BORCS5: variants seen among roughly 807,000 people sequenced by gnomAD.
The protein encoded by BORCS5 is BLOC-1 related complex subunit 5, also known as BLOC-1-related complex subunit 5.
In BORCS5, 17 loss-of-function variants were observed where a neutral mutation model predicts 22.1. The observed-to-expected ratio is 0.77, with a 90% CI of 0.53 to 1.15. BORCS5 has a LOEUF of 1.15. BORCS5 is among the 50% of genes most tolerant of loss of function. The probability of loss-of-function intolerance (pLI) is 0.00; values close to 1 mark genes in which losing one functional copy is unlikely to be tolerated. For missense variants in BORCS5, 247 were observed against 253.2 expected, an observed-to-expected ratio of 0.98 and a Z score of 0.17; for synonymous variants, 117 against 99.8, an observed-to-expected ratio of 1.17 and a Z score of -1.03.
chr12:12,456,873 T>C (rs1459336976), intron 3 of BORCS5, among the ~76,000 whole-genome samples: 2 of 118,534 alleles, frequency 1.7e-5, no homozygotes, highest in African/African-American at 4.4e-5. Flanking sequence ...AAAAACACAA[T>C]GGTAAGTTGT....
At chr12:12,438,378 AAACGAAAAACAAC>A (rs1942608293) in intron 3 of BORCS5, among the ~76,000 whole-genome samples, 2 of 107,942 alleles carry the variant, frequency 1.9e-5, no homozygotes, top group African/African-American at 7.7e-5. Context: ...AAAAAAAAAA[AAACGAAAAACAAC>A]AACAAAAACC....
At chr12:12,414,264 A>T (rs1340736771) in intron 2 of BORCS5, among the ~76,000 whole-genome samples, 2 of 48,536 alleles carry the variant, frequency 4.1e-5, no homozygotes, top group Non-Finnish European at 8.0e-5. Context: ...GGGGCTCCTC[A>T]CTTCCCAGTA....
chr12:12,367,668 A>G (rs74734996), intron 2 of BORCS5, among the ~76,000 whole-genome samples: 1 of 146,582 alleles, frequency 6.8e-6, no homozygotes, highest in Admixed American at 6.9e-5. Context: ...CTTTCAACCG[A>G]TTGAGAAAGT....
At chr12:12,427,172 C>CTTTTTTTTTTTTTTTTTTTTTT (rs869191667) in intron 2 of BORCS5, among the ~76,000 whole-genome samples, 1 of 84,488 alleles carries the variant, frequency 1.2e-5, no homozygotes, top group Non-Finnish European at 2.1e-5. Flanking sequence ...TCTTTCTTTT[C>CTTTTTTTTTTTTTTTTTTTTTT]TTTTTTTTTT....
At position 12,469,545 on chromosome 12, in the gene BORCS5, T is replaced by G. The variant is rs139051244; in HGVS notation, c.*3769T>G. On this transcript the variant is annotated 3_prime_UTR_variant, in exon 4 of 4. Coordinates refer to ENST00000314565, the MANE Select transcript of BORCS5 (RefSeq NM_058169.6). ...CTCGGTTTTACAAGGTTACATAAAC[T>G]AATGGCCCTGGGGCGAATGACGTAT... 3.3e-5 allele frequency: 5 copies of G among 152,258 alleles called. No individual in the cohort carries two copies. Among genetic ancestry groups the G allele is most frequent in the Admixed American group, 6.5e-5 (1 of 15,288 alleles). 9.4% of individuals were successfully genotyped at this position (152,258 alleles called of 1,614,324 possible).
intron 3 of BORCS5, among the ~76,000 whole-genome samples, chr12:12,461,150 T>C (rs1413167455): frequency 6.6e-6 from 1 of 150,916 alleles, no homozygotes; most frequent in Non-Finnish European, 1.5e-5. Context: ...AGACAAAGGC[T>C]TTATTGCATT....
chr12:12,415,970 A>C (rs910335246), intron 2 of BORCS5, among the ~76,000 whole-genome samples: 4 of 152,160 alleles, frequency 2.6e-5, no homozygotes, highest in African/African-American at 4.8e-5. Context: ...TTTCTTTATC[A>C]GGAGATTTTT....
At chr12:12,452,265 C>G (rs966583731) in intron 3 of BORCS5, 1 of 768,388 alleles carries the variant, frequency 1.3e-6, no homozygotes, top group African/African-American at 1.7e-5. Context: ...ATTTTGTGCA[C>G]CAATTTGTGT....
At chr12:12,401,626 T>C (rs1220722126) in intron 2 of BORCS5, among the ~76,000 whole-genome samples, 1 of 152,202 alleles carries the variant, frequency 6.6e-6, no homozygotes, top group Non-Finnish European at 1.5e-5. Context: ...CCATTGTTAA[T>C]AACTTGCTAT....
In BORCS5 at chr12:12,428,714, G is replaced by A. The variant is rs571141612; in HGVS notation, c.203-6914G>A. 1.4e-4 allele frequency among the ~76,000 whole-genome samples: 22 copies of A among 152,222 alleles called. No individual in the cohort carries two copies. In the South Asian group the frequency reaches 4.4e-3, roughly 30 times the overall value. ...TTCTTTATGGAGTATTAGGAGTGAA[G>A]TGTCATGATGTTATGGTGTTTTTAA... is the stretch of plus-strand genomic sequence containing the variant. On this transcript the variant is annotated intron_variant, in intron 2 of 3. Transcript: ENST00000314565.
chr12:12,367,954 C>T (rs527474752), intron 2 of BORCS5, among the ~76,000 whole-genome samples: 4 of 152,332 alleles, frequency 2.6e-5, no homozygotes, highest in South Asian at 2.1e-4. Flanking sequence ...CACTTTCTTT[C>T]AATTCAGTTG....
chr12:12,362,174 C>T (rs1242630262), intron 2 of BORCS5, among the ~76,000 whole-genome samples: 1 of 152,158 alleles, frequency 6.6e-6, no homozygotes, highest in Non-Finnish European at 1.5e-5. Context: ...CCCTTTAATT[C>T]TTACATCATT....
At chr12:12,374,136 C>T (rs1020999571) in intron 2 of BORCS5, among the ~76,000 whole-genome samples, 8 of 151,258 alleles carry the variant, frequency 5.3e-5, no homozygotes, top group South Asian at 2.1e-4. Context: ...TACAGGTGCC[C>T]GCCACCACGT....
intron 3 of BORCS5, among the ~76,000 whole-genome samples, chr12:12,455,444 A>G (rs1296432083): frequency 2.0e-5 from 3 of 152,202 alleles, no homozygotes; most frequent in African/African-American, 7.2e-5. Context: ...ATTAAAAGCT[A>G]AACATTACCT....
At chr12:12,407,878 T>C (rs1302219691) in intron 2 of BORCS5, among the ~76,000 whole-genome samples, 1 of 151,916 alleles carries the variant, frequency 6.6e-6, no homozygotes, top group Non-Finnish European at 1.5e-5. Context: ...CCTGGCTAAT[T>C]TTTGTATATT....
At chr12:12,452,328 C>CA in intron 3 of BORCS5, 1 of 706,890 alleles carries the variant, frequency 1.4e-6, no homozygotes, top group Admixed American at 1.9e-5. Context: ...ATCATTTCTG[C>CA]AAGAATATTG....
At chr12:12,384,308 C>G (rs1351607145) in intron 2 of BORCS5, among the ~76,000 whole-genome samples, 1 of 150,404 alleles carries the variant, frequency 6.6e-6, no homozygotes, top group East Asian at 1.9e-4. Flanking sequence ...TATATAATTT[C>G]TGTCTCCTTA....
intron 2 of BORCS5, among the ~76,000 whole-genome samples, chr12:12,387,279 A>T (rs1467007663): frequency 6.6e-6 from 1 of 151,414 alleles, no homozygotes; most frequent in Non-Finnish European, 1.5e-5. Flanking sequence ...GGTTGTTTCC[A>T]GTATTTGGTG....
intron 2 of BORCS5, among the ~76,000 whole-genome samples, chr12:12,412,908 T>TC (rs1456496265): frequency 2.2e-5 from 3 of 138,492 alleles, no homozygotes; most frequent in East Asian, 2.1e-4. Flanking sequence ...TTCTTTTTTT[T>TC]TTTTTTTTTT....
Sources: gnomAD v4.1 joint callset for allele counts (sites outside exome capture counted in the v4.1 genomes callset) on GRCh38, gnomAD v4.1.1 for gene constraint, MANE v1.5 for transcripts, NCBI Gene and HGNC (gene_info 2026-07-23, HGNC 2026-07-21) for gene names.